Variants in PRIM2 observed in about 807,000 individuals in gnomAD.
PRIM2 encodes the protein DNA primase subunit 2, also known as DNA primase large subunit.
A neutral mutation model predicts 67.3 loss-of-function variants in PRIM2; 39 were observed. That is an observed-to-expected ratio of 0.58 (90% CI 0.45 to 0.76). The LOEUF is 0.76. Ranked by LOEUF, PRIM2 falls within the 30% of genes least tolerant of loss-of-function variation. PRIM2 has a pLI of 0.00. For missense variants in PRIM2, 398 were observed against 598.7 expected (o/e 0.66, Z 3.50); for synonymous variants, 143 against 198.7 (o/e 0.72, Z 2.36).
intron 7 of PRIM2, among the ~76,000 whole-genome samples, chr6:57,392,638 GT>G (rs145775905): frequency 5.7e-4 from 83 of 144,788 alleles, no homozygotes; most frequent in African/African-American, 1.7e-3. Context: ...GAAAATATTC[GT>G]TTTTTTTTTG....
intron 5 of PRIM2, among the ~76,000 whole-genome samples, chr6:57,348,977 C>T (rs1345149734): frequency 3.9e-5 from 6 of 151,988 alleles, no homozygotes; most frequent in Admixed American, 3.3e-4. Flanking sequence ...GATCTCTTGA[C>T]CTGGTGATCT....
intron 5 of PRIM2, among the ~76,000 whole-genome samples, chr6:57,372,142 A>C (rs1437720706): frequency 6.6e-6 from 1 of 152,224 alleles, no homozygotes; most frequent in African/African-American, 2.4e-5. Flanking sequence ...TAGTTGTATT[A>C]CATTTTTAGT....
chr6:57,382,212 T>A, intron 7 of PRIM2, 44 bp downstream of exon 7: 1 of 1,595,726 alleles, frequency 6.3e-7, no homozygotes, highest in Non-Finnish European at 8.6e-7. Context: ...GTTCACACTT[T>A]CAGTTATATA....
intron 7 of PRIM2, among the ~76,000 whole-genome samples, chr6:57,430,199 T>C (rs1241251354): frequency 6.6e-6 from 1 of 152,154 alleles, no homozygotes; most frequent in Non-Finnish European, 1.5e-5. Flanking sequence ...TTTTGTGTCA[T>C]GTTAAGAAAA....
chr6:57,489,560 G>GA (rs1773839803), intron 7 of PRIM2, among the ~76,000 whole-genome samples: 1 of 143,848 alleles, frequency 7.0e-6, no homozygotes, highest in Admixed American at 6.9e-5. Context: ...CCCGTCTCCA[G>GA]AAAAAAGAAA....
chr6:57,572,712 G>T (rs1334323106), intron 10 of PRIM2, among the ~76,000 whole-genome samples: 2 of 152,184 alleles, frequency 1.3e-5, no homozygotes, highest in Admixed American at 6.5e-5. Flanking sequence ...TGTCCAGATT[G>T]GATGAATATA....
intron 8 of PRIM2, among the ~76,000 whole-genome samples, chr6:57,515,707 AT>A (rs1381677882): frequency 6.6e-6 from 1 of 152,222 alleles, no homozygotes; most frequent in Non-Finnish European, 1.5e-5. Flanking sequence ...TGACACTAGC[AT>A]TTTTATATAA....
chr6:57,241,427 A>G, the PRIM2 span, among the ~76,000 whole-genome samples: 1 of 151,818 alleles, frequency 6.6e-6, no homozygotes, highest in African/African-American at 2.4e-5. Context: ...AAAAATAAAA[A>G]AAGCAGATTC....
Position 57,646,120 on chromosome 6 carries a change from A to AT in PRIM2, c.1493dup (p.Met498IlefsTer9), listed in dbSNP as rs1358259461. On this transcript the variant is annotated frameshift_variant, in exon 14 of 14. Transcript: ENST00000615550. LOFTEE classifies it high-confidence loss of function. ...TTTAAATTCCTCTCTGGAAATGGAT[A>AT]TGGAAGGACTAGAAGATTACTTTAG... 1.3e-6 allele frequency: 2 copies of AT among 1,592,560 alleles called. No individual in the cohort carries two copies. The highest frequency in any genetic ancestry group is 1.7e-6 in the Non-Finnish European group (2 of 1,160,490).
At chr6:57,507,268 A>G in intron 7 of PRIM2, 119 bp from the exon 8 acceptor site, 2 of 838,068 alleles carry the variant, frequency 2.4e-6, no homozygotes, top group Non-Finnish European at 3.6e-6. Context: ...GAGAAATAGA[A>G]CCTTATATTT....
intron 7 of PRIM2, among the ~76,000 whole-genome samples, chr6:57,432,458 C>T (rs1010936687): frequency 1.3e-5 from 2 of 152,090 alleles, no homozygotes; most frequent in African/African-American, 4.8e-5. Flanking sequence ...AAAGAGTGGA[C>T]ACTTAATAGC....
chr6:57,414,104 G>T (rs1336549860), intron 7 of PRIM2, among the ~76,000 whole-genome samples: 1 of 152,092 alleles, frequency 6.6e-6, no homozygotes, highest in Non-Finnish European at 1.5e-5. Flanking sequence ...TCATGGTATA[G>T]GAAGAAGTTC....
intron 5 of PRIM2, among the ~76,000 whole-genome samples, chr6:57,346,329 T>G (rs1251712495): frequency 1.3e-5 from 2 of 152,144 alleles, no homozygotes; most frequent in East Asian, 1.9e-4. Flanking sequence ...TATACTTTTT[T>G]TTTTTGAGAC....
At chr6:57,302,020 C>G in the PRIM2 span, among the ~76,000 whole-genome samples, 1 of 152,156 alleles carries the variant, frequency 6.6e-6, no homozygotes, top group South Asian at 2.1e-4. Context: ...GCTGGGAGGC[C>G]AAAAGCTAAG....
intron 7 of PRIM2, among the ~76,000 whole-genome samples, chr6:57,474,964 T>C (rs1773440470): frequency 6.6e-6 from 1 of 152,192 alleles, no homozygotes; most frequent in East Asian, 1.9e-4. Flanking sequence ...ATTCTTTGTT[T>C]CTTTCCTCCC....
intron 10 of PRIM2, among the ~76,000 whole-genome samples, chr6:57,542,938 G>GTTTTTTTTTTTTTTTTTTT (rs1581980392): frequency 1.8e-5 from 1 of 56,886 alleles, no homozygotes; most frequent in African/African-American, 1.1e-4. Context: ...CTGCTTATAG[G>GTTTTTTTTTTTTTTTTTTT]ATTTTTTTTT....
At chr6:57,283,108 A>G in the PRIM2 span, among the ~76,000 whole-genome samples, 1 of 152,000 alleles carries the variant, frequency 6.6e-6, no homozygotes, top group Admixed American at 6.6e-5. Context: ...GCCTCAACAC[A>G]TTTTCCTCAA....
intron 7 of PRIM2, among the ~76,000 whole-genome samples, chr6:57,488,292 TTTC>T (rs1171803895): frequency 2.6e-5 from 4 of 152,268 alleles, no homozygotes; most frequent in African/African-American, 9.6e-5. Flanking sequence ...GCCAATAAGT[TTTC>T]TGGTGGTATT....
chr6:57,637,205 C>T (rs1777137197), intron 13 of PRIM2, among the ~76,000 whole-genome samples: 1 of 152,050 alleles, frequency 6.6e-6, no homozygotes, highest in Non-Finnish European at 1.5e-5. Flanking sequence ...GAAAGGAATA[C>T]CTTCAACATC....
Sources: allele counts gnomAD v4.1 joint callset (sites outside exome capture counted in the v4.1 genomes callset), GRCh38; gene constraint gnomAD v4.1.1; transcripts MANE v1.5; gene names NCBI Gene and HGNC (gene_info 2026-07-23, HGNC 2026-07-21).